IGSF21: variants seen among roughly 807,000 people sequenced by gnomAD.
The protein encoded by IGSF21 is immunoglobulin superfamily member 21.
In IGSF21, 28 loss-of-function variants were observed where a neutral mutation model predicts 46.8. That is an observed-to-expected ratio of 0.60 (90% CI 0.44 to 0.82). The LOEUF is 0.82. IGSF21 is among the 40% of genes least tolerant of loss of function. IGSF21 has a pLI of 0.00. For synonymous variants in IGSF21, 284 were observed against 273.6 expected, an observed-to-expected ratio of 1.04 and a Z score of -0.38; for missense variants, 624 against 665.5, an observed-to-expected ratio of 0.94 and a Z score of 0.69.
At chr1:18,173,084 C>T (rs970216173) in intron 1 of IGSF21, among the ~76,000 whole-genome samples, 6 of 152,184 alleles carry the variant, frequency 3.9e-5, no homozygotes, top group African/African-American at 1.4e-4. Flanking sequence ...GTCAGGAGAT[C>T]AAGACCATTC....
chr1:18,302,226 C>T (rs558235679), intron 3 of IGSF21, among the ~76,000 whole-genome samples: 8 of 152,296 alleles, frequency 5.3e-5, no homozygotes, highest in African/African-American at 1.9e-4. Flanking sequence ...CCAACCCTCT[C>T]CCCAGTGGCA....
chr1:18,336,847 C>T (rs1385135066), intron 4 of IGSF21, among the ~76,000 whole-genome samples: 1 of 152,164 alleles, frequency 6.6e-6, no homozygotes, highest in African/African-American at 2.4e-5. Context: ...CTAGGGAGGC[C>T]TCACAATCGC....
intron 2 of IGSF21, among the ~76,000 whole-genome samples, chr1:18,254,357 AAACCCT>A (rs146760306): frequency 0.58 from 84,990 of 147,732 alleles, 25,159 homozygotes; most frequent in East Asian, 0.87. Flanking sequence ...GAATGGCTCA[AAACCCT>A]AACCCTAACC....
intron 1 of IGSF21, among the ~76,000 whole-genome samples, chr1:18,181,150 C>T (rs939136478): frequency 6.6e-6 from 1 of 152,228 alleles, no homozygotes; most frequent in Non-Finnish European, 1.5e-5. Flanking sequence ...CGGCTCAGGG[C>T]CTGATGCCTG....
At chr1:18,182,602 A>G (rs575358702) in intron 1 of IGSF21, among the ~76,000 whole-genome samples, 12 of 152,198 alleles carry the variant, frequency 7.9e-5, no homozygotes, top group Non-Finnish European at 1.3e-4. Flanking sequence ...CAGAGCTGTC[A>G]TTAAGTGACT....
chr1:18,187,910 T>C (rs1433691834), intron 1 of IGSF21, among the ~76,000 whole-genome samples: 1 of 152,104 alleles, frequency 6.6e-6, no homozygotes, highest in African/African-American at 2.4e-5. Context: ...GTTAAATGAA[T>C]GAACAAATGG....
chr1:18,131,009 A>G (rs915463042), intron 1 of IGSF21, among the ~76,000 whole-genome samples: 2 of 152,230 alleles, frequency 1.3e-5, no homozygotes, highest in African/African-American at 4.8e-5. Context: ...AGGTCCGCCT[A>G]GGCGGCTGAG....
chr1:18,367,054 C>G (rs1202523626), intron 6 of IGSF21, among the ~76,000 whole-genome samples: 2 of 152,188 alleles, frequency 1.3e-5, no homozygotes, highest in Non-Finnish European at 2.9e-5. Flanking sequence ...AGCAGCTCCT[C>G]CCTGAGCCCG....
chr1:18,134,647 C>T (rs894104005), intron 1 of IGSF21, among the ~76,000 whole-genome samples: 1 of 152,266 alleles, frequency 6.6e-6, no homozygotes, highest in Admixed American at 6.5e-5. Context: ...CCTCAGTGCC[C>T]ACCCCCCTCT....
At chr1:18,279,963 G>A (rs1348898390) in intron 2 of IGSF21, among the ~76,000 whole-genome samples, 1 of 152,228 alleles carries the variant, frequency 6.6e-6, no homozygotes, top group Non-Finnish European at 1.5e-5. Context: ...CACAGCAAGG[G>A]CCCTCTCCGA....
intron 1 of IGSF21, among the ~76,000 whole-genome samples, chr1:18,117,650 T>A (rs1286997766): frequency 2.0e-5 from 3 of 152,152 alleles, no homozygotes; most frequent in Non-Finnish European, 4.4e-5. Flanking sequence ...CTTGATGATG[T>A]TTGGCTCCCC....
intron 3 of IGSF21, among the ~76,000 whole-genome samples, chr1:18,325,969 C>T (rs2085653783): frequency 6.6e-6 from 1 of 152,214 alleles, no homozygotes; most frequent in Non-Finnish European, 1.5e-5. Context: ...ACCCACAGCT[C>T]CCAGCCACCT....
intron 4 of IGSF21, among the ~76,000 whole-genome samples, chr1:18,355,894 G>A (rs2086012226): frequency 7.0e-6 from 1 of 143,568 alleles, no homozygotes; most frequent in South Asian, 2.2e-4. Flanking sequence ...GCAGTGCAAT[G>A]GCACAGTCTC....
chr1:18,177,064 G>C (rs1031285333), intron 1 of IGSF21, among the ~76,000 whole-genome samples: 2 of 152,168 alleles, frequency 1.3e-5, no homozygotes, highest in Non-Finnish European at 1.5e-5. Flanking sequence ...CATCCTCCCA[G>C]TCTGTGCTTT....
At chr1:18,323,821 T>C (rs911529845) in intron 3 of IGSF21, among the ~76,000 whole-genome samples, 1 of 152,090 alleles carries the variant, frequency 6.6e-6, no homozygotes, top group Non-Finnish European at 1.5e-5. Flanking sequence ...CATTTTCAGG[T>C]TGGGGGGCGG....
chr1:18,282,554 C>T (rs994059775), intron 2 of IGSF21, among the ~76,000 whole-genome samples: 2 of 151,486 alleles, frequency 1.3e-5, no homozygotes, highest in African/African-American at 2.4e-5. Context: ...GCTTTGTATT[C>T]GACTGGTGGG....
intron 2 of IGSF21, among the ~76,000 whole-genome samples, chr1:18,263,011 G>T (rs571450893): frequency 6.6e-6 from 1 of 152,312 alleles, no homozygotes; most frequent in African/African-American, 2.4e-5. Context: ...GTGGGGGATG[G>T]CATAAAAGGA....
chr1:18,241,474 G>A (rs1277753207), intron 2 of IGSF21, among the ~76,000 whole-genome samples: 2 of 152,170 alleles, frequency 1.3e-5, no homozygotes, highest in Non-Finnish European at 2.9e-5. Flanking sequence ...AAGTCCTGCT[G>A]CTAGATAGTG....
intron 1 of IGSF21, among the ~76,000 whole-genome samples, chr1:18,210,973 T>G (rs1164491786): frequency 2.0e-5 from 3 of 152,100 alleles, no homozygotes; most frequent in African/African-American, 4.8e-5. Flanking sequence ...GTCCAAGTGG[T>G]CCTCCCACCT....
Sources: gnomAD v4.1 joint callset for allele counts (sites outside exome capture counted in the v4.1 genomes callset) on GRCh38, gnomAD v4.1.1 for gene constraint, MANE v1.5 for transcripts, NCBI Gene and HGNC (gene_info 2026-07-23, HGNC 2026-07-21) for gene names.